COL17A1: variants seen among roughly 807,000 people sequenced by gnomAD.
The protein encoded by COL17A1 is collagen type XVII alpha 1 chain.
In COL17A1, 181 loss-of-function variants were observed where a neutral mutation model predicts 218.4. That is an observed-to-expected ratio of 0.83 (90% CI 0.73 to 0.94). The LOEUF is 0.94. Ranked by LOEUF, COL17A1 falls within the 40% of genes least tolerant of loss-of-function variation. COL17A1 has a pLI of 0.00. For missense variants in COL17A1, 1,924 were observed against 1,945.9 expected (o/e 0.99, Z 0.21); for synonymous variants, 721 against 731.0 (o/e 0.99, Z 0.22).
At chr10:104,041,903 C>T (rs1281821316) in intron 36 of COL17A1, among the ~76,000 whole-genome samples, 19 of 152,182 alleles carry the variant, frequency 1.2e-4, no homozygotes, top group Admixed American at 1.2e-3. Flanking sequence ...CCTCTGTAAA[C>T]CAAGGTCAAA....
intron 9 of COL17A1, among the ~76,000 whole-genome samples, chr10:104,064,846 G>A: frequency 6.6e-6 from 1 of 152,144 alleles, no homozygotes; most frequent in East Asian, 1.9e-4. Flanking sequence ...ATTTTGCCTT[G>A]GGGTCCAACA....
At position 104,053,077 on chromosome 10, in the gene COL17A1, A is replaced by T. The variant is rs1303724440; in HGVS notation, c.1893T>A (p.Pro631=). The T allele has an allele frequency of 7.4e-6, 12 of 1,613,946 alleles. No individual in the cohort carries two copies. Among genetic ancestry groups the T allele is most frequent in the African/African-American group, 1.3e-5 (1 of 74,912 alleles). ...ATCCAGGAGGCCCTGCCTCACCACG[A>T]GGTCCCATGGGGCCTTCTCGCCCTC... ...GQRGREGPMG[P]RGEAGPPGSG... Residue 631 remains proline (P), a synonymous_variant, in exon 23 of 56, where the codon CCT becomes CCA. Coordinates refer to ENST00000648076, the MANE Select transcript of COL17A1 (RefSeq NM_000494.4).
intron 52 of COL17A1, among the ~76,000 whole-genome samples, 187 bp downstream of exon 52, chr10:104,033,758 G>A (rs967758920): frequency 1.3e-5 from 2 of 152,158 alleles, no homozygotes; most frequent in South Asian, 2.1e-4. Context: ...CCCACAGCTC[G>A]GGTCCCAGGA....
In COL17A1 at chr10:104,041,287, T is replaced by G; in HGVS notation, c.2647+16A>C. On this transcript the variant is annotated intron_variant, in intron 38 of 55. Coordinates refer to ENST00000648076, the MANE Select transcript of COL17A1 (RefSeq NM_000494.4). Reference sequence around the variant, plus strand: ...ACCTCCCCCTCCCACCTCCCAGTGGTAAGCTCGGCTCTCACCTGGTGGGCC... The same window carrying G: ...ACCTCCCCCTCCCACCTCCCAGTGGGAAGCTCGGCTCTCACCTGGTGGGCC... The G allele has an allele frequency of 6.2e-7, 1 of 1,604,826 alleles. No homozygotes were observed. The highest frequency in any genetic ancestry group is 1.1e-5 in the South Asian group (1 of 89,608).
chr10:104,059,233 C>T (rs560712604), intron 15 of COL17A1: 41 of 282,866 alleles, frequency 1.4e-4, no homozygotes, highest in South Asian at 2.6e-4. Flanking sequence ...TGGAGAGATT[C>T]CTATAGGGCA....
At chr10:104,056,428 A>G (rs776009848) in intron 17 of COL17A1, among the ~76,000 whole-genome samples, 1 of 152,046 alleles carries the variant, frequency 6.6e-6, no homozygotes, top group Admixed American at 6.5e-5. Context: ...TAAAAATACA[A>G]AAAATTAGCC....
rs2086476426 is a variant in COL17A1, at chr10:104,052,192, A to T, written c.1965T>A (p.His655Gln). 2 of 1,614,178 alleles carry T rather than the reference A, an allele frequency of 1.2e-6. No homozygotes were observed. The highest frequency in any genetic ancestry group is 2.7e-5 in the African/African-American group (2 of 75,050). Residue 655 changes from histidine to glutamine, a missense_variant, in exon 24 of 56, where the codon CAT becomes CAA. His to Gln is a conservative substitution (Grantham distance 24). Transcript: ENST00000648076. ...CAGAACCTGGGACACCAGGTGGGCCATGAGGACCTGGTTCACCAGCAGCCC... is the reference window on the plus strand; with the variant it reads ...CAGAACCTGGGACACCAGGTGGGCCTTGAGGACCTGGTTCACCAGCAGCCC... Reference protein sequence around the residue: ...ERGAAGEPGPHGPPGVPGSVG... With the variant: ...ERGAAGEPGPQGPPGVPGSVG...
At chr10:104,035,220 G>C in intron 50 of COL17A1, 43 bp downstream of exon 50, 1 of 1,543,690 alleles carries the variant, frequency 6.5e-7, no homozygotes, top group Non-Finnish European at 8.9e-7. Context: ...CCAAGGCCCG[G>C]CTGCATCCCC....
chr10:104,041,200 C>T, intron 38 of COL17A1, 82 bp from the exon 39 acceptor site: 1 of 1,608,660 alleles, frequency 6.2e-7, no homozygotes, highest in Non-Finnish European at 8.5e-7. Flanking sequence ...AGCAGGGAAG[C>T]TCTTTCCTAT....
At chr10:104,059,479 T>G (rs1448589937) in intron 15 of COL17A1, 159 bp downstream of exon 15, 1 of 706,416 alleles carries the variant, frequency 1.4e-6, no homozygotes, top group African/African-American at 1.8e-5. Flanking sequence ...TCAGCAGATC[T>G]GAGCTAGGGC....
rs376642236 is a variant in COL17A1, at chr10:104,058,208, T to C, written c.1223-18A>G. 6.2e-7 allele frequency: 1 copy of C among 1,614,180 alleles called. No individual in the cohort carries two copies. The highest frequency in any genetic ancestry group is 1.3e-5 in the African/African-American group (1 of 75,066). Reference sequence around the variant, plus strand: ...CAGGTCTCCTGAAAGGACAAACAGATTGACCTGAGCTTTTAAACTGGAGGA... The same window carrying C: ...CAGGTCTCCTGAAAGGACAAACAGACTGACCTGAGCTTTTAAACTGGAGGA... On this transcript the variant is annotated intron_variant, in intron 15 of 55. Transcript: ENST00000648076.
At chr10:104,056,126 T>C (rs1376161794) in intron 17 of COL17A1, 123 bp from the exon 18 acceptor site, 2 of 1,167,226 alleles carry the variant, frequency 1.7e-6, no homozygotes, top group East Asian at 4.7e-5. Context: ...CATGCTAGAA[T>C]ACTCATGCAG....
intron 28 of COL17A1, 89 bp downstream of exon 28, chr10:104,050,000 C>A: frequency 6.3e-7 from 1 of 1,598,614 alleles, no homozygotes; most frequent in South Asian, 1.1e-5. Context: ...CAGATTCGGT[C>A]TCTTACTTCT....
intron 9 of COL17A1, among the ~76,000 whole-genome samples, chr10:104,067,596 C>T (rs372912646): frequency 1.3e-4 from 20 of 152,184 alleles, no homozygotes; most frequent in African/African-American, 4.6e-4. Context: ...GCATGGCTCA[C>T]GCTGGTGCTC....
chr10:104,059,669 A>G lies in COL17A1; in HGVS notation c.1191T>C (p.Asn397=). ...CTTCGGCTTTTAGGCCTGAGTCAGC[A>G]TTGTAGGCAGCTTGCTTTTCTTTTT... is the stretch of plus-strand genomic sequence containing the variant. The part of the protein sequence containing the change: ...TLKKEKQAAY[N]ADSGLKAEAN... The change falls in exon 15 of 56, where the codon AAT becomes AAC. Residue 397 remains asparagine, a synonymous_variant. Coordinates refer to ENST00000648076, the MANE Select transcript of COL17A1 (RefSeq NM_000494.4). 6.2e-7 allele frequency: 1 copy of G among 1,614,256 alleles called. No individual in the cohort carries two copies. The highest frequency in any genetic ancestry group is 8.5e-7 in the Non-Finnish European group (1 of 1,180,040).
At chr10:104,036,137 TGTGTATGG>T (rs1589556678) in intron 48 of COL17A1, among the ~76,000 whole-genome samples, 3 of 36,070 alleles carry the variant, frequency 8.3e-5, no homozygotes, top group Non-Finnish European at 1.2e-4. Context: ...TGTATATGTG[TGTGTATGG>T]GTGTATGGGA....
chr10:104,043,775 C>A (rs757298386), intron 34 of COL17A1, 50 bp downstream of exon 34: 1 of 1,606,566 alleles, frequency 6.2e-7, no homozygotes, highest in South Asian at 1.1e-5. Flanking sequence ...AAGGTAGGTG[C>A]CCAGTATAAG....
chr10:104,035,340 C>G lies in COL17A1; in HGVS notation c.3542G>C (p.Gly1181Ala), dbSNP rs545525268. Residue 1181 changes from glycine to alanine, a missense_variant, in exon 50 of 56, where the codon GGT becomes GCT. Transcript: ENST00000648076. ...TGGGATCCCTGGTGGACCCGGGGGA[C>G]CTGGGGGTCCAACGATGCCTCTGAA... is the stretch of plus-strand genomic sequence containing the variant. ...SEFRGIVGPP[G>A]PPGPPGIPGN... is the part of the protein sequence containing the mutation. 8 of 1,614,228 alleles carry G rather than the reference C, an allele frequency of 5.0e-6. No individual in the cohort carries two copies. In the South Asian group the frequency reaches 7.7e-5, roughly 16 times the overall value.
intron 51 of COL17A1, 47 bp downstream of exon 51, chr10:104,034,574 C>G: frequency 6.3e-7 from 1 of 1,593,702 alleles, no homozygotes; most frequent in Non-Finnish European, 8.6e-7. Context: ...CAGGGAAAAG[C>G]AAGGCCTGCG....
Sources: gnomAD v4.1 joint callset for allele counts (sites outside exome capture counted in the v4.1 genomes callset) on GRCh38, gnomAD v4.1.1 for gene constraint, MANE v1.5 for transcripts, NCBI Gene and HGNC (gene_info 2026-07-23, HGNC 2026-07-21) for gene names.